Variants in SOX5 observed in about 807,000 individuals in gnomAD.
SOX5 encodes SRY-box transcription factor 5.
A neutral mutation model predicts 92.0 loss-of-function variants in SOX5; 9 were observed. The ratio of observed to expected loss-of-function variants is 0.10; its 90% CI spans 0.06 to 0.17. SOX5 has a LOEUF of 0.17. Ranked by LOEUF, SOX5 falls within the 10% of genes least tolerant of loss-of-function variation. The pLI is 1.00. For synonymous variants in SOX5, 344 were observed against 336.3 expected, an observed-to-expected ratio of 1.02 and a Z score of -0.25; for missense variants, 642 against 944.5, an observed-to-expected ratio of 0.68 and a Z score of 4.20.
intron 7 of SOX5, among the ~76,000 whole-genome samples, chr12:23,658,776 C>A (rs1254803540): frequency 6.6e-6 from 1 of 152,112 alleles, no homozygotes; most frequent in Non-Finnish European, 1.5e-5. Context: ...GCCTGTAATC[C>A]CAGCTACTCA....
chr12:23,699,030 T>A (rs550733382), intron 6 of SOX5, among the ~76,000 whole-genome samples: 9 of 152,346 alleles, frequency 5.9e-5, no homozygotes, highest in African/African-American at 1.7e-4. Context: ...CTGGCTTTGG[T>A]AGTTTACATA....
intron 2 of SOX5, among the ~76,000 whole-genome samples, chr12:23,887,335 T>C (rs558740092): frequency 2.0e-5 from 3 of 151,944 alleles, no homozygotes; most frequent in African/African-American, 4.8e-5. Context: ...TAGAGCCAAA[T>C]TGAAAGAAAG....
At chr12:24,482,916 C>T (rs1946152947) in intron 1 of SOX5, among the ~76,000 whole-genome samples, 1 of 152,056 alleles carries the variant, frequency 6.6e-6, no homozygotes, top group Non-Finnish European at 1.5e-5. Context: ...AGTTTATATG[C>T]CTGTTACTTA....
intron 4 of SOX5, among the ~76,000 whole-genome samples, chr12:23,747,104 G>C (rs1487690541): frequency 1.3e-5 from 2 of 152,010 alleles, no homozygotes; most frequent in Non-Finnish European, 2.9e-5. Context: ...CGTGAAAACA[G>C]ACTAATACAC....
In SOX5 at chr12:23,837,249, ATTT is replaced by A. The variant is rs1568202791; in HGVS notation, c.481+8731_481+8733del. On this transcript the variant is annotated intron_variant, in intron 3 of 14. Transcript: ENST00000451604. ...TATAATATATATTTATATAATATAT[ATTT>A]ATATTTATATAATATATAATATGTA... Among the ~76,000 whole-genome samples the A allele has an allele frequency of 6.5e-4, 75 of 114,858 alleles. 1 individual carries two copies. Among genetic ancestry groups the A allele is most frequent in the South Asian group, 2.8e-3 (11 of 3,912 alleles). 75.4% of individuals were successfully genotyped at this position (114,858 alleles called of 152,430 possible). A position where few individuals can be genotyped will look rare whatever the true frequency, so the allele number is the denominator to read the frequency against.
intron 1 of SOX5, among the ~76,000 whole-genome samples, chr12:24,523,801 C>T (rs1950460452): frequency 6.6e-6 from 1 of 152,084 alleles, no homozygotes; most frequent in African/African-American, 2.4e-5. Context: ...TGGGAGAAAA[C>T]ATAAGGGAAA....
intron 1 of SOX5, among the ~76,000 whole-genome samples, chr12:24,452,245 T>C (rs2137345745): frequency 6.6e-6 from 1 of 152,340 alleles, no homozygotes; most frequent in Middle Eastern, 3.4e-3. Context: ...ACCTAAATAT[T>C]TGACATACAT....
intron 1 of SOX5, among the ~76,000 whole-genome samples, chr12:24,382,886 G>A (rs1957981823): frequency 2.6e-5 from 4 of 152,128 alleles, no homozygotes; most frequent in African/African-American, 9.7e-5. Flanking sequence ...ACTTCAGGGA[G>A]AGCAAGTCTG....
intron 11 of SOX5, among the ~76,000 whole-genome samples, chr12:23,551,144 T>A (rs923160873): frequency 1.3e-5 from 2 of 151,982 alleles, no homozygotes; most frequent in African/African-American, 4.8e-5. Flanking sequence ...TGTCAAATGT[T>A]GACTCAGTAA....
chr12:24,050,852 T>C (rs1423407667), intron 4 of SOX5, among the ~76,000 whole-genome samples: 1 of 152,102 alleles, frequency 6.6e-6, no homozygotes, highest in African/African-American at 2.4e-5. Flanking sequence ...TTCTTATTAT[T>C]ATTATTATTT....
At chr12:24,226,731 A>C (rs1756663062) in intron 3 of SOX5, among the ~76,000 whole-genome samples, 1 of 152,064 alleles carries the variant, frequency 6.6e-6, no homozygotes, top group African/African-American at 2.4e-5. Flanking sequence ...TTGGCCTCTC[A>C]AAGGGCTAGG....
chr12:23,755,930 G>C (rs1333047005), intron 3 of SOX5, among the ~76,000 whole-genome samples: 1 of 151,754 alleles, frequency 6.6e-6, no homozygotes, highest in African/African-American at 2.4e-5. Flanking sequence ...TCCTCTTGCG[G>C]AACAAAGCCA....
chr12:24,383,850 GT>G (rs1404597607), intron 1 of SOX5, among the ~76,000 whole-genome samples: 2 of 152,064 alleles, frequency 1.3e-5, no homozygotes, highest in Non-Finnish European at 2.9e-5. Context: ...GTTTGGCTGT[GT>G]CCCCACCCAA....
chr12:24,227,370 A>C (rs972686246), intron 3 of SOX5: 2 of 152,232 alleles, frequency 1.3e-5, no homozygotes, highest in African/African-American at 4.8e-5. Flanking sequence ...GAAATCTCTG[A>C]GAGACTCTAC....
chr12:23,672,860 G>A (rs1367192207), intron 6 of SOX5, among the ~76,000 whole-genome samples: 1 of 151,988 alleles, frequency 6.6e-6, no homozygotes, highest in Non-Finnish European at 1.5e-5. Flanking sequence ...TGCTATGCAG[G>A]TTTATCTTAA....
chr12:24,223,924 C>T (rs1349944893), intron 3 of SOX5, among the ~76,000 whole-genome samples: 1 of 152,176 alleles, frequency 6.6e-6, no homozygotes, highest in Non-Finnish European at 1.5e-5. Context: ...GAACTGGACG[C>T]AATTCTTCAG....
chr12:24,180,776 G>A (rs893224931), intron 4 of SOX5, among the ~76,000 whole-genome samples: 1 of 152,148 alleles, frequency 6.6e-6, no homozygotes, highest in African/African-American at 2.4e-5. Context: ...TTATACTTCA[G>A]TTTCACATCA....
At chr12:23,626,736 T>C (rs931500033) in intron 8 of SOX5, among the ~76,000 whole-genome samples, 2 of 150,894 alleles carry the variant, frequency 1.3e-5, no homozygotes, top group Non-Finnish European at 1.5e-5. Context: ...GCTATACTTA[T>C]AGGTATTTAA....
chr12:24,291,828 C>T (rs12371851), intron 2 of SOX5, among the ~76,000 whole-genome samples: 19,652 of 152,182 alleles, frequency 0.13, 1,694 homozygotes, highest in Non-Finnish European at 0.19. Context: ...TCACCACCAC[C>T]ACCATCACTA....
Sources: gnomAD v4.1 joint callset for allele counts (sites outside exome capture counted in the v4.1 genomes callset) on GRCh38, gnomAD v4.1.1 for gene constraint, MANE v1.5 for transcripts, NCBI Gene and HGNC (gene_info 2026-07-23, HGNC 2026-07-21) for gene names.